Variants in ELN observed in about 807,000 individuals in gnomAD.
ELN encodes the protein tropoelastin.
ELN carries 65 observed loss-of-function variants against 105.8 expected under a neutral mutation model. The ratio of observed to expected loss-of-function variants is 0.61; its 90% CI spans 0.50 to 0.75. The LOEUF (loss-of-function observed/expected upper bound fraction) is 0.75. Among genes scored for constraint, ELN ranks in the 30% least tolerant of loss-of-function variants. ELN has a pLI of 0.00. For synonymous variants in ELN, 368 were observed against 389.2 expected (o/e 0.95, Z 0.64); for missense variants, 882 against 969.4 (o/e 0.91, Z 1.20).
Position 74,043,282 on chromosome 7 carries a change from T to G in ELN, c.427+114T>G, listed in dbSNP as rs1791673243. ...TTGGGGAGGAAGGGCAGGGCCTGGC[T>G]TCAGTCGGGCAGAGAAACTAGCCAG... On this transcript the variant is annotated intron_variant, in intron 8 of 32. Transcript: ENST00000252034. 3 of 1,467,048 alleles carry G rather than the reference T, an allele frequency of 2.0e-6. No homozygotes were observed. The Admixed American group carries it at 5.9e-5, about 29-fold the overall frequency. The allele number at this position is 1,467,048 out of a possible 1,614,324, so 90.9% of individuals were successfully genotyped here.
chr7:74,050,802 A>C (rs1004319691), intron 15 of ELN, among the ~76,000 whole-genome samples: 4 of 152,112 alleles, frequency 2.6e-5, no homozygotes. Flanking sequence ...TACCTGAGGA[A>C]AGTTAGAAAG....
chr7:74,040,810 C>T (rs1791030504), intron 4 of ELN, among the ~76,000 whole-genome samples: 1 of 152,058 alleles, frequency 6.6e-6, no homozygotes, highest in African/African-American at 2.4e-5. Flanking sequence ...AGGAGTTCCC[C>T]GATGCAGGTG....
In ELN at chr7:74,063,142, T is replaced by C. The variant is rs782431386; in HGVS notation, c.1787-11T>C. On this transcript the variant is annotated splice_polypyrimidine_tract_variant and intron_variant, in intron 26 of 32. Transcript: ENST00000252034. This position sits in a 1 kb window ranked among gnomAD's most constrained non-coding sequence, Gnocchi z 4.1. ...GAAATGGAACACTCATTTTCCCTCC[T>C]CTCCCCGCAGGAGCAGCAGTGCCTG... 1.3e-6 allele frequency: 2 copies of C among 1,598,978 alleles called. No individual in the cohort carries two copies. The highest frequency in any genetic ancestry group is 1.7e-5 in the Admixed American group (1 of 57,256).
rs1165481376 is a variant in ELN at position 74,045,271 on chromosome 7, A to T, written c.519A>T (p.Ala173=). The T allele has an allele frequency of 6.2e-7, 1 of 1,614,050 alleles. No homozygotes were observed. Among genetic ancestry groups the T allele is most frequent in the Non-Finnish European group, 8.5e-7 (1 of 1,180,044 alleles). ...TGCTCCCTGGAGTTCCCACTGGAGC[A>T]GGAGTTAAGCCCAAGGCTCCAGGTA... ...VGVLPGVPTG[A]GVKPKAPGVG... The change falls in exon 10 of 33, where the codon GCA becomes GCT. Residue 173 remains alanine (A), a synonymous_variant. Coordinates refer to ENST00000252034, the MANE Select transcript of ELN (RefSeq NM_000501.4).
At chr7:74,047,569 G>A in intron 12 of ELN, 106 bp from the exon 13 acceptor site, 2 of 1,482,814 alleles carry the variant, frequency 1.3e-6, no homozygotes, top group Non-Finnish European at 1.9e-6. Context: ...CCTGATGTGG[G>A]AGGTCTCAAG....
intron 5 of ELN, 100 bp downstream of exon 5, chr7:74,041,351 C>A: frequency 6.7e-7 from 1 of 1,493,258 alleles, no homozygotes; most frequent in Non-Finnish European, 9.3e-7. Context: ...AGGGTGCAGG[C>A]CAGGTTCCGT....
In ELN at chr7:74,047,668, T is replaced by C; in HGVS notation, c.644-7T>C. 6.2e-7 allele frequency: 1 copy of C among 1,614,096 alleles called. No individual in the cohort carries two copies. Among genetic ancestry groups the C allele is most frequent in the Middle Eastern group, 1.6e-4 (1 of 6,062 alleles). On this transcript the variant is annotated splice_polypyrimidine_tract_variant and splice_region_variant and intron_variant, in intron 12 of 32. Coordinates refer to ENST00000252034, the MANE Select transcript of ELN (RefSeq NM_000501.4). Reference sequence around the variant, plus strand: ...CAGCCCCTGAGTTTGCTCTGTCCTCTCTCCAGGTGGCTATGGACTGCCCTA... The same window carrying C: ...CAGCCCCTGAGTTTGCTCTGTCCTCCCTCCAGGTGGCTATGGACTGCCCTA...
chr7:74,046,321 T>A (rs1792514520), intron 11 of ELN, 104 bp downstream of exon 11: 1 of 1,523,770 alleles, frequency 6.6e-7, no homozygotes. Flanking sequence ...GCCCAATTTC[T>A]CCCACGCCTG....
At chr7:74,056,889 C>A (rs1445144031) in intron 21 of ELN, among the ~76,000 whole-genome samples, 176 bp downstream of exon 21, 1 of 152,148 alleles carries the variant, frequency 6.6e-6, no homozygotes, top group African/African-American at 2.4e-5. Context: ...TTTTCAGATG[C>A]CCCCTGTTAG....
intron 15 of ELN, among the ~76,000 whole-genome samples, chr7:74,050,837 A>T (rs1325097569): frequency 6.6e-6 from 1 of 152,180 alleles, no homozygotes; most frequent in Non-Finnish European, 1.5e-5. Flanking sequence ...GTGACATGTG[A>T]TTTAGGCCTT....
At chr7:74,052,250 T>G in intron 17 of ELN, 1 of 533,442 alleles carries the variant, frequency 1.9e-6, no homozygotes, top group Non-Finnish European at 3.4e-6. Context: ...CACAGGTGTC[T>G]GCTGCATCAA....
At chr7:74,033,876 CT>C (rs1789282034) in intron 1 of ELN, among the ~76,000 whole-genome samples, 1 of 152,288 alleles carries the variant, frequency 6.6e-6, no homozygotes, top group East Asian at 1.9e-4. Flanking sequence ...GGCAAGGTGG[CT>C]TGTCAAGCTC....
chr7:74,065,732 G>A lies in ELN; in HGVS notation c.2032G>A (p.Gly678Ser), dbSNP rs375579231. 102 of 1,613,736 alleles carry A rather than the reference G, an allele frequency of 6.3e-5. No individual in the cohort carries two copies. Among genetic ancestry groups the A allele is most frequent in the South Asian group, 3.2e-4 (29 of 91,084 alleles). ...PAAAAKAAKY[G>S]AAGLGGVLGG... ...TGCAGCCGCTAAAGCAGCTAAATACGGTGAGTTCCCCTCTGATGCCTTCCT... is the reference window on the plus strand; with the variant it reads ...TGCAGCCGCTAAAGCAGCTAAATACAGTGAGTTCCCCTCTGATGCCTTCCT... Residue 678 changes from glycine (G) to serine (S), a missense_variant and splice_region_variant, in exon 30 of 33, where the codon GGT (glycine) becomes AGT (serine). Gly to Ser is a moderately conservative substitution (Grantham distance 56). Coordinates refer to ENST00000252034, the MANE Select transcript of ELN (RefSeq NM_000501.4).
chr7:74,039,414 C>T lies in ELN; in HGVS notation c.196+1675C>T, dbSNP rs1420127122. The stretch of plus-strand genomic sequence containing the variant: ...AGGGTCGGCAGAGCCCCCATGGCAC[C>T]CCCAGGGAGGCCCCCACATCCGGGC... On this transcript the variant is annotated intron_variant, in intron 4 of 32. Coordinates refer to ENST00000252034, the MANE Select transcript of ELN (RefSeq NM_000501.4). 6.6e-5 allele frequency among the ~76,000 whole-genome samples: 10 copies of T among 152,310 alleles called. No individual in the cohort carries two copies. The East Asian group carries it at 1.7e-3, about 26-fold the overall frequency.
intron 2 of ELN, 149 bp from the exon 3 acceptor site, chr7:74,036,406 C>T: frequency 1.0e-6 from 1 of 990,582 alleles, no homozygotes; most frequent in Non-Finnish European, 1.5e-6. Context: ...ACTGGCCAAG[C>T]AGAAGAGAAA....
At chr7:74,039,435 C>T (rs782349824) in intron 4 of ELN, among the ~76,000 whole-genome samples, 1 of 152,246 alleles carries the variant, frequency 6.6e-6, no homozygotes. Context: ...CCCCCACATC[C>T]GGGCTGCCAG....
intron 17 of ELN, 92 bp downstream of exon 17, chr7:74,052,075 G>T: frequency 6.9e-7 from 1 of 1,452,828 alleles, no homozygotes; most frequent in African/African-American, 1.4e-5. Flanking sequence ...CTTGGCCTTT[G>T]TTCCTTCCCA....
chr7:74,045,262 C>T lies in ELN; in HGVS notation c.510C>T (p.Pro170=). ...FPGVGVLPGV[P]TGAGVKPKAP... ...GTGTGGGGGTGCTCCCTGGAGTTCC[C>T]ACTGGAGCAGGAGTTAAGCCCAAGG... The change falls in exon 10 of 33, where the codon CCC becomes CCT. Residue 170 remains proline (P), a synonymous_variant. Coordinates refer to ENST00000252034, the MANE Select transcript of ELN (RefSeq NM_000501.4). The T allele has an allele frequency of 6.2e-7, 1 of 1,614,180 alleles. No individual in the cohort carries two copies. The highest frequency in any genetic ancestry group is 8.5e-7 in the Non-Finnish European group (1 of 1,180,040).
intron 10 of ELN, chr7:74,045,632 A>G (rs1484063667): frequency 2.6e-6 from 1 of 386,294 alleles, no homozygotes; most frequent in African/African-American, 2.1e-5. Context: ...GATCCCAACT[A>G]TTCAGGAGGC....
Sources: allele counts gnomAD v4.1 joint callset (sites outside exome capture counted in the v4.1 genomes callset), GRCh38; gene constraint gnomAD v4.1.1; non-coding constraint Gnocchi (gnomAD v3.1); transcripts MANE v1.5; gene names NCBI Gene and HGNC (gene_info 2026-07-23, HGNC 2026-07-21).